UPF1: variants seen among roughly 807,000 people sequenced by gnomAD.
UPF1 encodes regulator of nonsense transcripts 1.
UPF1 carries 9 observed loss-of-function variants against 129.2 expected under a neutral mutation model. The observed-to-expected ratio is 0.07, with a 90% confidence interval of 0.04 to 0.12. The LOEUF (loss-of-function observed/expected upper bound fraction) is 0.12, where lower values mean the gene tolerates loss of function less well. UPF1 is among the 10% of genes least tolerant of loss of function. The probability of loss-of-function intolerance (pLI) is 1.00; values close to 1 mark genes in which losing one functional copy is unlikely to be tolerated. For synonymous variants in UPF1, 649 were observed against 644.9 expected (o/e 1.01, Z -0.10); for missense variants, 788 against 1,525.3 (o/e 0.52, Z 8.05).
intron 1 of UPF1, among the ~76,000 whole-genome samples, chr19:18,845,751 G>T (rs1398464124): frequency 6.6e-6 from 1 of 152,238 alleles, no homozygotes; most frequent in East Asian, 1.9e-4. Context: ...GTGGCTAGGC[G>T]GGGGTTAGAC....
At position 18,862,105 on chromosome 19, in the gene UPF1, C is replaced by G. The variant is rs1042908919; in HGVS notation, c.2553C>G (p.Gly851=). ...GGGCCAACGAGCACCAAGGCATTGG[C>G]TTTTTAAATGACCCCAGGCGTCTGA... ...CVRANEHQGI[G]FLNDPRRLNV... The change falls in exon 18 of 24, where the codon GGC becomes GGG. Residue 851 remains glycine, a synonymous_variant. Transcript: ENST00000262803. 4.3e-6 allele frequency: 7 copies of G among 1,613,944 alleles called. No homozygotes were observed. Among genetic ancestry groups the G allele is most frequent in the Non-Finnish European group, 5.9e-6 (7 of 1,180,040 alleles).
At chr19:18,857,888 G>C (rs1209590851) in intron 15 of UPF1, among the ~76,000 whole-genome samples, 1 of 152,206 alleles carries the variant, frequency 6.6e-6, no homozygotes, top group African/African-American at 2.4e-5. Flanking sequence ...TGTTCTCAGG[G>C]CCTGGGCCCC....
intron 1 of UPF1, among the ~76,000 whole-genome samples, chr19:18,837,825 G>A (rs10417863): frequency 3.0e-4 from 45 of 152,260 alleles, no homozygotes; most frequent in African/African-American, 1.0e-3. Context: ...CTCGTACTGG[G>A]ATTTTACTCT....
chr19:18,852,664 T>TC (rs2055673151), intron 6 of UPF1, among the ~76,000 whole-genome samples: 3 of 46,704 alleles, frequency 6.4e-5, no homozygotes, highest in Non-Finnish European at 1.2e-4. Flanking sequence ...TTTCTGTCCC[T>TC]CCCTCCCCTC....
chr19:18,856,866 C>T lies in UPF1; in HGVS notation c.1825-11C>T. The T allele has an allele frequency of 6.2e-7, 1 of 1,608,690 alleles. No individual in the cohort carries two copies. The highest frequency in any genetic ancestry group is 8.5e-7 in the Non-Finnish European group (1 of 1,178,050). On this transcript the variant is annotated splice_polypyrimidine_tract_variant and intron_variant, in intron 13 of 23. Coordinates refer to ENST00000262803, the MANE Select transcript of UPF1 (RefSeq NM_002911.4). ...GTGCAGGTGCCCTGATGCCTCTGCACCCTTCCCCAGAACGCAGATGTCATC... is the reference window on the plus strand; with the variant it reads ...GTGCAGGTGCCCTGATGCCTCTGCATCCTTCCCCAGAACGCAGATGTCATC...
At chr19:18,864,832 G>A (rs1189055072) in intron 20 of UPF1, among the ~76,000 whole-genome samples, 2 of 140,092 alleles carry the variant, frequency 1.4e-5, no homozygotes, top group Admixed American at 1.6e-4. Context: ...CTCCCCCTCT[G>A]GGTTCAAGCG....
At chr19:18,835,338 A>C (rs972657037) in intron 1 of UPF1, among the ~76,000 whole-genome samples, 16 of 149,444 alleles carry the variant, frequency 1.1e-4, no homozygotes, top group Admixed American at 5.3e-4. Flanking sequence ...ATGTGTCATC[A>C]TTTCATTCCT....
At chr19:18,844,069 C>G (rs1039398967) in intron 1 of UPF1, among the ~76,000 whole-genome samples, 10 of 152,092 alleles carry the variant, frequency 6.6e-5, no homozygotes, top group Non-Finnish European at 1.3e-4. Context: ...TGCCCTGATG[C>G]ACGGTCTGAG....
intron 1 of UPF1, among the ~76,000 whole-genome samples, chr19:18,835,441 A>G (rs1458607980): frequency 6.6e-6 from 1 of 151,906 alleles, no homozygotes; most frequent in African/African-American, 2.4e-5. Flanking sequence ...TCCCAGGTTC[A>G]AGCGATTCTC....
At position 18,852,868 on chromosome 19, in the gene UPF1, G is replaced by A. The variant is rs1601113682; in HGVS notation, c.973-119G>A. ...TGGGGCTGCAGGTGCCACTCACGGCGCCTGCTCTCACGGCAGAGGCTTGCT... is the reference window on the plus strand; with the variant it reads ...TGGGGCTGCAGGTGCCACTCACGGCACCTGCTCTCACGGCAGAGGCTTGCT... On this transcript the variant is annotated intron_variant, in intron 6 of 23. Coordinates refer to ENST00000262803, the MANE Select transcript of UPF1 (RefSeq NM_002911.4). 5 of 799,952 alleles carry A rather than the reference G, an allele frequency of 6.3e-6. No individual in the cohort carries two copies. In the South Asian group the frequency reaches 8.3e-5, roughly 13 times the overall value. The allele number at this position is 799,952 out of a possible 1,614,324, so 49.6% of individuals were successfully genotyped here.
At position 18,868,023 on chromosome 19, in the gene UPF1, C is replaced by G; in HGVS notation, c.*1506C>G. On this transcript the variant is annotated 3_prime_UTR_variant, in exon 24 of 24. Transcript: ENST00000262803. ...GCACCGGGTAGGTTTCCGCGGTGAC[C>G]CCGCGGCGGCCTGAGGGACGCTCCC... 6.3e-6 allele frequency: 1 copy of G among 158,870 alleles called. No individual in the cohort carries two copies. Among genetic ancestry groups the G allele is most frequent in the East Asian group, 1.8e-4 (1 of 5,606 alleles). The allele number at this position is 158,870 out of a possible 1,614,324, so 9.8% of individuals were successfully genotyped here. A position where few individuals can be genotyped will look rare whatever the true frequency, so the allele number is the denominator to read the frequency against.
Position 18,845,048 on chromosome 19 carries a change from C to T in UPF1, c.232-932C>T, listed in dbSNP as rs563885387. Among the ~76,000 whole-genome samples the T allele has an allele frequency of 1.1e-4, 16 of 152,328 alleles. No individual in the cohort carries two copies. The South Asian group carries it at 3.3e-3, about 32-fold the overall frequency. ...GTGCTGCTCCCCATGAGCACCTGTCCCTAGGCTCGCACAGGTGCTGCATCA... is the reference window on the plus strand; with the variant it reads ...GTGCTGCTCCCCATGAGCACCTGTCTCTAGGCTCGCACAGGTGCTGCATCA... On this transcript the variant is annotated intron_variant, in intron 1 of 23. Transcript: ENST00000262803.
intron 16 of UPF1, 58 bp from the exon 17 acceptor site, chr19:18,860,768 G>C: frequency 1.2e-6 from 2 of 1,600,230 alleles, no homozygotes; most frequent in Non-Finnish European, 1.7e-6. Context: ...ACGGCCTCCA[G>C]CCTCAGGGCT....
At chr19:18,855,602 C>T (rs2055708476) in intron 11 of UPF1, 1 of 493,302 alleles carries the variant, frequency 2.0e-6, no homozygotes, top group Non-Finnish European at 3.6e-6. Context: ...GATCTGAGCT[C>T]CTTCGGCATC....
intron 1 of UPF1, among the ~76,000 whole-genome samples, chr19:18,839,296 G>T (rs1169093967): frequency 1.1e-4 from 17 of 152,152 alleles, no homozygotes; most frequent in Non-Finnish European, 5.9e-5. Context: ...GTTTCACCAT[G>T]TTGGCCAGGC....
rs1457534908 is a variant in UPF1, at chr19:18,857,331, A to C, written c.1980A>C (p.Val660=). The C allele has an allele frequency of 1.6e-5, 26 of 1,612,078 alleles. No homozygotes were observed. Among genetic ancestry groups the C allele is most frequent in the Non-Finnish European group, 2.1e-5 (25 of 1,179,654 alleles). ...VVLGAKQLIL[V]GDHCQLGPVV... ...CCCTGTTCCTACAGCTGATCCTTGTAGGCGACCACTGCCAGCTGGGCCCAG... is the reference window on the plus strand; with the variant it reads ...CCCTGTTCCTACAGCTGATCCTTGTCGGCGACCACTGCCAGCTGGGCCCAG... The change falls in exon 15 of 24, where the codon GTA becomes GTC. Residue 660 remains valine, a synonymous_variant. Transcript: ENST00000262803.
intron 1 of UPF1, among the ~76,000 whole-genome samples, chr19:18,843,977 C>T (rs1445597183): frequency 2.6e-5 from 4 of 151,962 alleles, no homozygotes; most frequent in Non-Finnish European, 5.9e-5. Context: ...TGAGAACTCC[C>T]GGGCTCAAGC....
In UPF1 at chr19:18,853,141, A is replaced by G; in HGVS notation, c.1057+70A>G. On this transcript the variant is annotated intron_variant, in intron 7 of 23. Coordinates refer to ENST00000262803, the MANE Select transcript of UPF1 (RefSeq NM_002911.4). The surrounding 1 kb of genome is among the most constrained non-coding windows in gnomAD (Gnocchi z 4.4). Reference sequence around the variant, plus strand: ...TTTTAAAATATTTGTGACCATAAGTAGCATAAATTCCTAGTTCCACCCTTG... The same window carrying G: ...TTTTAAAATATTTGTGACCATAAGTGGCATAAATTCCTAGTTCCACCCTTG... 6.2e-7 allele frequency: 1 copy of G among 1,605,546 alleles called. No homozygotes were observed. The highest frequency in any genetic ancestry group is 8.5e-7 in the Non-Finnish European group (1 of 1,173,496).
At chr19:18,845,866 GTC>G in intron 1 of UPF1, 112 bp from the exon 2 acceptor site, 1 of 1,424,018 alleles carries the variant, frequency 7.0e-7, no homozygotes, top group Non-Finnish European at 9.3e-7. Flanking sequence ...AAGGGAAACT[GTC>G]TCAAAGCAGA....
Sources: allele counts gnomAD v4.1 joint callset (sites outside exome capture counted in the v4.1 genomes callset), GRCh38; gene constraint gnomAD v4.1.1; non-coding constraint Gnocchi (gnomAD v3.1); transcripts MANE v1.5; gene names NCBI Gene and HGNC (gene_info 2026-07-23, HGNC 2026-07-21).